The following LANCL3 variants were observed in gnomAD, a reference collection of about 807,000 sequenced individuals.
The protein encoded by LANCL3 is LanC like family member 3, also known as lanC-like protein 3.
LANCL3 carries 19 observed loss-of-function variants against 26.5 expected under a neutral mutation model. The observed-to-expected ratio is 0.72, with a 90% CI of 0.50 to 1.05. The LOEUF (loss-of-function observed/expected upper bound fraction) is 1.05. LANCL3 is among the 50% of genes least tolerant of loss of function. The pLI is 0.00. For missense variants in LANCL3, 318 were observed against 362.7 expected, an observed-to-expected ratio of 0.88 and a Z score of 1.00; for synonymous variants, 160 against 166.6, an observed-to-expected ratio of 0.96 and a Z score of 0.30.
chrX:37,627,000 G>A (rs1257193311), intron 1 of LANCL3, among the ~76,000 whole-genome samples: 1 of 111,706 alleles, frequency 9.0e-6, no homozygotes, highest in Non-Finnish European at 1.9e-5. Flanking sequence ...CTTGCTAAGA[G>A]GAAATGATCT....
At chrX:37,675,208 G>T (rs1416213168) in intron 4 of LANCL3, among the ~76,000 whole-genome samples, 1 of 111,873 alleles carries the variant, frequency 8.9e-6, no homozygotes, top group Admixed American at 9.5e-5. Flanking sequence ...TATTTTTACA[G>T]TCTCTGCTTT....
rs1040658344 is a variant in LANCL3, at chrX:37,601,019, A to G, written c.573+28576A>G. Among the ~76,000 whole-genome samples, 12 of 112,029 alleles carry G rather than the reference A, an allele frequency of 1.1e-4. 1 individual carries two copies. The highest frequency in any genetic ancestry group is 3.6e-4 in the African/African-American group (11 of 30,784). ...TGGAAACCACTCCTTTTATGTCTAT[A>G]TACTTTAAGATATTTTTACCTTGGG... On this transcript the variant is annotated intron_variant, in intron 1 of 4. Coordinates refer to ENST00000378619, the MANE Select transcript of LANCL3 (RefSeq NM_001170331.2).
At chrX:37,667,922 G>T (rs782596014) in intron 4 of LANCL3, among the ~76,000 whole-genome samples, 7 of 110,557 alleles carry the variant, frequency 6.3e-5, no homozygotes, top group African/African-American at 2.3e-4. Context: ...CTTTTTAACA[G>T]TCATCTCTTG....
chrX:37,590,442 T>C (rs782807824), intron 1 of LANCL3, among the ~76,000 whole-genome samples: 2 of 112,597 alleles, frequency 1.8e-5, no homozygotes, highest in Admixed American at 9.4e-5. Context: ...ATTATTTTTT[T>C]CTTGCATTAA....
intron 1 of LANCL3, among the ~76,000 whole-genome samples, chrX:37,599,778 T>A (rs782342011): frequency 1.8e-5 from 2 of 111,962 alleles, no homozygotes; most frequent in African/African-American, 6.5e-5. Flanking sequence ...GAGCAAAACA[T>A]GAATTTTATT....
At chrX:37,612,071 G>C (rs1556421240) in intron 1 of LANCL3, among the ~76,000 whole-genome samples, 3 of 110,557 alleles carry the variant, frequency 2.7e-5, no homozygotes, top group Non-Finnish European at 5.7e-5. Flanking sequence ...CTCCCGAGTA[G>C]CTGGGACTAC....
chrX:37,586,631 A>G (rs782775447), intron 1 of LANCL3, among the ~76,000 whole-genome samples: 117 of 112,094 alleles, frequency 1.0e-3, no homozygotes, highest in African/African-American at 3.6e-3. Context: ...TTCTCGTGCC[A>G]TGGTTTTCAG....
chrX:37,590,240 T>C (rs1430108774), intron 1 of LANCL3, among the ~76,000 whole-genome samples: 5 of 112,768 alleles, frequency 4.4e-5, no homozygotes, highest in Admixed American at 1.9e-4. Context: ...TTTCTAGAGA[T>C]AATTTGCTTA....
chrX:37,604,879 T>C (rs1056845698), intron 1 of LANCL3, among the ~76,000 whole-genome samples: 1 of 112,603 alleles, frequency 8.9e-6, no homozygotes, highest in Non-Finnish European at 1.9e-5. Flanking sequence ...GCAAAAGTCA[T>C]TGATGCAGAG....
chrX:37,590,223 G>A (rs113030484), intron 1 of LANCL3, among the ~76,000 whole-genome samples: 2 of 112,177 alleles, frequency 1.8e-5, no homozygotes, highest in South Asian at 3.7e-4. Flanking sequence ...TTAAGTTCTC[G>A]TCTTTGTTTC....
intron 2 of LANCL3, among the ~76,000 whole-genome samples, chrX:37,658,373 A>G (rs1998100): frequency 0.32 from 35,597 of 111,220 alleles, 6,222 homozygotes; most frequent in African/African-American, 0.69. Context: ...TCCAGTTTGA[A>G]TCCAAATCTG....
intron 1 of LANCL3, among the ~76,000 whole-genome samples, chrX:37,638,804 A>T (rs1221391929): frequency 9.1e-6 from 1 of 110,103 alleles, no homozygotes; most frequent in Non-Finnish European, 1.9e-5. Flanking sequence ...ACACACACAC[A>T]CCCAAACCCC....
rs782094502 is a variant in LANCL3 at position 37,578,980 on chromosome X, T to TAA, written c.573+6560_573+6561dup. 8.2e-4 allele frequency among the ~76,000 whole-genome samples: 44 copies of TAA among 53,702 alleles called. 1 individual carries two copies. The highest frequency in any genetic ancestry group is 2.6e-3 in the African/African-American group (36 of 13,830). 46.6% of individuals were successfully genotyped at this position (53,702 alleles called of 115,157 possible). On this transcript the variant is annotated intron_variant, in intron 1 of 4. Transcript: ENST00000378619. ...GGGCGGCAGAGTGAGACTCCATCTCTAAAAAAAAAAAAAAAAAAAAAAAAT... is the reference window on the plus strand; with the variant it reads ...GGGCGGCAGAGTGAGACTCCATCTCTAAAAAAAAAAAAAAAAAAAAAAAAAAT...
chrX:37,632,874 G>T (rs782759035), intron 1 of LANCL3, among the ~76,000 whole-genome samples: 31 of 111,410 alleles, frequency 2.8e-4, no homozygotes, highest in Non-Finnish European at 4.7e-4. Flanking sequence ...TTTCTCTCTG[G>T]CTGCCCTTAA....
At chrX:37,573,472 G>A (rs1266504214) in intron 1 of LANCL3, among the ~76,000 whole-genome samples, 1 of 111,991 alleles carries the variant, frequency 8.9e-6, no homozygotes, top group Non-Finnish European at 1.9e-5. Flanking sequence ...TACAGAGGCA[G>A]ACAGGGTTTT....
intron 1 of LANCL3, among the ~76,000 whole-genome samples, chrX:37,638,354 T>C (rs1281326015): frequency 2.7e-5 from 3 of 111,655 alleles, no homozygotes; most frequent in Non-Finnish European, 5.7e-5. Context: ...CCAGTCATGG[T>C]GTTCTGGTCA....
intron 3 of LANCL3, 79 bp downstream of exon 3, chrX:37,659,738 G>A (rs1926373813): frequency 1.2e-6 from 1 of 861,063 alleles, no homozygotes; most frequent in South Asian, 2.2e-5. Context: ...TGAGAAGTGA[G>A]GATAGCTAAT....
At chrX:37,627,280 G>A (rs1394395282) in intron 1 of LANCL3, among the ~76,000 whole-genome samples, 5 of 111,953 alleles carry the variant, frequency 4.5e-5, no homozygotes, top group Non-Finnish European at 9.4e-5. Flanking sequence ...CCTTTTTGGA[G>A]TCACTTTTTC....
intron 1 of LANCL3, among the ~76,000 whole-genome samples, chrX:37,574,479 AC>A (rs782516089): frequency 8.9e-6 from 1 of 112,072 alleles, no homozygotes; most frequent in South Asian, 3.7e-4. Context: ...CATCTTTGCC[AC>A]CTAATAAATA....
Sources: allele counts gnomAD v4.1 joint callset (sites outside exome capture counted in the v4.1 genomes callset), GRCh38; gene constraint gnomAD v4.1.1; transcripts MANE v1.5; gene names NCBI Gene and HGNC (gene_info 2026-07-23, HGNC 2026-07-21).